Variants in NBEA observed in about 807,000 individuals in gnomAD.
NBEA encodes lysosomal-trafficking regulator 2.
In NBEA, 44 loss-of-function variants were observed where a neutral mutation model predicts 343.4. The ratio of observed to expected loss-of-function variants is 0.13; its 90% CI spans 0.10 to 0.16. The LOEUF (loss-of-function observed/expected upper bound fraction) is 0.16. NBEA is among the 10% of genes least tolerant of loss of function. NBEA has a pLI of 1.00. For synonymous variants in NBEA, 1,175 were observed against 1,238.7 expected, an observed-to-expected ratio of 0.95 and a Z score of 1.08; for missense variants, 2,555 against 3,631.3, an observed-to-expected ratio of 0.70 and a Z score of 7.62.
At chr13:35,174,266 A>T (rs1185629644) in intron 27 of NBEA, among the ~76,000 whole-genome samples, 2 of 152,088 alleles carry the variant, frequency 1.3e-5, no homozygotes, top group African/African-American at 4.8e-5. Flanking sequence ...TATCCAGCTA[A>T]AATCTATGTA....
chr13:35,650,684 A>G (rs1270702308), intron 52 of NBEA, among the ~76,000 whole-genome samples: 1 of 152,186 alleles, frequency 6.6e-6, no homozygotes, highest in East Asian at 1.9e-4. Flanking sequence ...CCTGGACGAC[A>G]AAGTGAGACT....
At chr13:34,982,189 A>G (rs553289994) in intron 1 of NBEA, among the ~76,000 whole-genome samples, 1 of 152,280 alleles carries the variant, frequency 6.6e-6, no homozygotes, top group East Asian at 1.9e-4. Flanking sequence ...CTAACACTGT[A>G]TAACTTCCTC....
At chr13:35,651,741 C>T in intron 52 of NBEA, 64 bp from the exon 53 acceptor site, 1 of 912,630 alleles carries the variant, frequency 1.1e-6, no homozygotes, top group Non-Finnish European at 1.8e-6. Flanking sequence ...AAACACTACC[C>T]ATTAGGAAAT....
intron 45 of NBEA, among the ~76,000 whole-genome samples, chr13:35,574,410 C>CGAAG (rs1555306427): frequency 7.0e-6 from 1 of 143,248 alleles, no homozygotes; most frequent in Non-Finnish European, 1.5e-5. Flanking sequence ...AGAAAAAAAA[C>CGAAG]AAGGAAAGAA....
At chr13:35,435,480 G>C (rs1226694693) in intron 39 of NBEA, among the ~76,000 whole-genome samples, 1 of 151,978 alleles carries the variant, frequency 6.6e-6, no homozygotes, top group East Asian at 1.9e-4. Flanking sequence ...AGGGGTAATA[G>C]GGTGCCATAC....
chr13:35,145,334 G>T (rs2068351763), intron 18 of NBEA, among the ~76,000 whole-genome samples: 1 of 152,164 alleles, frequency 6.6e-6, no homozygotes, highest in East Asian at 1.9e-4. Flanking sequence ...TTTGTTCGAT[G>T]GACATGGTGT....
chr13:35,565,764 C>G (rs1032647921), intron 44 of NBEA, among the ~76,000 whole-genome samples: 2 of 152,138 alleles, frequency 1.3e-5, no homozygotes, highest in African/African-American at 2.4e-5. Context: ...AAACTTTCCC[C>G]ATTCCCACTG....
intron 38 of NBEA, among the ~76,000 whole-genome samples, chr13:35,410,630 G>T (rs918161339): frequency 6.6e-6 from 1 of 152,138 alleles, no homozygotes; most frequent in East Asian, 1.9e-4. Flanking sequence ...GGACACTTTT[G>T]TAAGTGATAC....
At chr13:35,056,314 AT>A in intron 7 of NBEA, among the ~76,000 whole-genome samples, 185 bp downstream of exon 7, 1 of 152,126 alleles carries the variant, frequency 6.6e-6, no homozygotes, top group Admixed American at 6.6e-5. Context: ...ATGATTAGTG[AT>A]TAAAAAAACA....
chr13:35,005,977 G>T (rs117467534), intron 1 of NBEA, among the ~76,000 whole-genome samples: 6,952 of 152,130 alleles, frequency 0.046, 237 homozygotes, highest in Non-Finnish European at 0.067. Context: ...TAGGTATAAG[G>T]TGTATTTCTT....
chr13:35,294,242 A>G (rs565978345), intron 35 of NBEA, among the ~76,000 whole-genome samples: 172 of 152,042 alleles, frequency 1.1e-3, no homozygotes, highest in Non-Finnish European at 2.0e-3. Context: ...ACAACTAAAG[A>G]ACAATCTTTT....
chr13:35,615,129 CAA>C (rs34475826), intron 48 of NBEA, among the ~76,000 whole-genome samples: 15 of 110,980 alleles, frequency 1.4e-4, no homozygotes, highest in East Asian at 9.8e-4. Context: ...ACTAAAAATA[CAA>C]AAAAAAAAAA....
intron 38 of NBEA, among the ~76,000 whole-genome samples, chr13:35,382,995 A>G (rs1395324738): frequency 6.6e-6 from 1 of 152,204 alleles, no homozygotes; most frequent in Non-Finnish European, 1.5e-5. Flanking sequence ...GCAGGCACTA[A>G]TTGATAATAC....
chr13:35,469,928 T>C (rs1388399234), intron 40 of NBEA, among the ~76,000 whole-genome samples: 1 of 152,216 alleles, frequency 6.6e-6, no homozygotes, highest in East Asian at 1.9e-4. Context: ...TAATATCGGA[T>C]CCCTAAAATC....
intron 48 of NBEA, among the ~76,000 whole-genome samples, chr13:35,626,396 T>C (rs564181257): frequency 3.9e-5 from 6 of 152,344 alleles, no homozygotes; most frequent in South Asian, 2.1e-4. Flanking sequence ...CATTAGGTAT[T>C]TTATTCAATA....
intron 1 of NBEA, among the ~76,000 whole-genome samples, chr13:35,037,147 C>A (rs1243001378): frequency 6.6e-6 from 1 of 152,150 alleles, no homozygotes; most frequent in African/African-American, 2.4e-5. Flanking sequence ...CTCATTAATT[C>A]TTTCCTCTGG....
rs927463207 is a variant in NBEA, at chr13:35,304,748, A to T, written c.5839-4780A>T. On this transcript the variant is annotated intron_variant, in intron 35 of 58. Coordinates refer to ENST00000379939, the MANE Select transcript of NBEA (RefSeq NM_001385012.1). ...GTAAAACTATCACTGTTCTAAAAAA[A>T]TTGTTTTTAAAAATTTTTTATATTT... 2.6e-5 allele frequency among the ~76,000 whole-genome samples: 4 copies of T among 152,188 alleles called. No individual in the cohort carries two copies. In the South Asian group the frequency reaches 8.3e-4, roughly 32 times the overall value.
chr13:35,425,917 C>T (rs1314389129), intron 38 of NBEA, among the ~76,000 whole-genome samples: 1 of 152,098 alleles, frequency 6.6e-6, no homozygotes. Context: ...TTCTTTGTCT[C>T]TTTTGATCTT....
At chr13:35,601,282 T>C (rs1364026455) in intron 47 of NBEA, among the ~76,000 whole-genome samples, 1 of 152,224 alleles carries the variant, frequency 6.6e-6, no homozygotes, top group Non-Finnish European at 1.5e-5. Context: ...ATAGTAATCT[T>C]GATTCATTTT....
Sources: gnomAD v4.1 joint callset for allele counts (sites outside exome capture counted in the v4.1 genomes callset) on GRCh38, gnomAD v4.1.1 for gene constraint, MANE v1.5 for transcripts, NCBI Gene and HGNC (gene_info 2026-07-23, HGNC 2026-07-21) for gene names.